GFPT2: variants seen among roughly 807,000 people sequenced by gnomAD.
The protein encoded by GFPT2 is glutamine--fructose-6-phosphate transaminase 2.
GFPT2 carries 62 observed loss-of-function variants against 85.6 expected under a neutral mutation model. The ratio of observed to expected loss-of-function variants is 0.72; its 90% confidence interval spans 0.59 to 0.90. The LOEUF is 0.90. Ranked by LOEUF, GFPT2 falls within the 40% of genes least tolerant of loss-of-function variation. The pLI is 0.00. For missense variants in GFPT2, 788 were observed against 893.4 expected (o/e 0.88, Z 1.50); for synonymous variants, 368 against 344.5 (o/e 1.07, Z -0.75).
chr5:180,346,458 T>C (rs1764610200), intron 1 of GFPT2, among the ~76,000 whole-genome samples: 1 of 152,174 alleles, frequency 6.6e-6, no homozygotes, highest in Non-Finnish European at 1.5e-5. Flanking sequence ...TTTCTCCTCC[T>C]GTTCAGCCCC....
intron 1 of GFPT2, among the ~76,000 whole-genome samples, chr5:180,343,305 G>A (rs1481046207): frequency 6.6e-6 from 1 of 152,146 alleles, no homozygotes; most frequent in Non-Finnish European, 1.5e-5. Context: ...GGCACGCTCC[G>A]CAAGGCACCG....
chr5:180,309,442 C>T (rs376906994), intron 15 of GFPT2, among the ~76,000 whole-genome samples: 57 of 146,316 alleles, frequency 3.9e-4, no homozygotes, highest in South Asian at 1.1e-3. Context: ...TTTTTCCAGA[C>T]GGAGTTTTGC....
At chr5:180,339,194 A>T (rs1764461002) in intron 1 of GFPT2, among the ~76,000 whole-genome samples, 1 of 152,138 alleles carries the variant, frequency 6.6e-6, no homozygotes. Context: ...AGCCTGGCCA[A>T]CATGGTGAAA....
At chr5:180,329,125 C>G (rs1764262170) in intron 6 of GFPT2, among the ~76,000 whole-genome samples, 1 of 152,202 alleles carries the variant, frequency 6.6e-6, no homozygotes, top group South Asian at 2.1e-4. Flanking sequence ...CCTAGCAGAG[C>G]TCAGTTATAT....
chr5:180,325,887 T>C (rs1037461561), intron 7 of GFPT2, among the ~76,000 whole-genome samples: 1 of 152,028 alleles, frequency 6.6e-6, no homozygotes, highest in African/African-American at 2.4e-5. Flanking sequence ...TAGCTGGGCA[T>C]GGTGGGGGGT....
chr5:180,303,376 C>T (rs1337215669), intron 17 of GFPT2, among the ~76,000 whole-genome samples: 3 of 152,234 alleles, frequency 2.0e-5, no homozygotes, highest in African/African-American at 4.8e-5. Context: ...GGACAACCCT[C>T]GGCGGAGCAT....
Position 180,324,246 on chromosome 5 carries a change from C to T in GFPT2, c.736G>A (p.Ala246Thr), listed in dbSNP as rs201867122. 2.1e-4 allele frequency: 346 copies of T among 1,613,136 alleles called. No individual in the cohort carries two copies. Among genetic ancestry groups the T allele is most frequent in the Non-Finnish European group, 2.6e-4 (311 of 1,179,318 alleles). ...KTRMKRLDSS[A>T]CLHAVGDKAV... ...TTGTCGCCCACAGCATGCAGGCAGG[C>T]GGAGCTGTCCAGCCTCTTCATCCGT... is the stretch of plus-strand genomic sequence containing the variant. The change falls in exon 9 of 19, where the codon GCC becomes ACC. Residue 246 changes from alanine (A) to threonine (T), a missense_variant. Physicochemically the swap from Ala to Thr is moderately conservative, Grantham distance 58. Coordinates refer to ENST00000253778, the MANE Select transcript of GFPT2 (RefSeq NM_005110.4).
In GFPT2 at chr5:180,330,886, G is replaced by T. The variant is rs547592392; in HGVS notation, c.400-52C>A. The stretch of plus-strand genomic sequence containing the variant: ...AGAGATTGGTCATTGCACAATGCCT[G>T]CCTGGCCAACTCCCTCTCCTCCCTG... On this transcript the variant is annotated intron_variant, in intron 5 of 18. Coordinates refer to ENST00000253778, the MANE Select transcript of GFPT2 (RefSeq NM_005110.4). The surrounding 1 kb of genome is among the most constrained non-coding windows in gnomAD (Gnocchi z 4.4). 3.2e-5 allele frequency: 50 copies of T among 1,563,038 alleles called. No homozygotes were observed. In the African/African-American group the frequency reaches 4.2e-4, roughly 13 times the overall value.
intron 7 of GFPT2, among the ~76,000 whole-genome samples, chr5:180,325,526 A>G (rs1764198215): frequency 6.6e-6 from 1 of 152,236 alleles, no homozygotes; most frequent in Non-Finnish European, 1.5e-5. Flanking sequence ...ACTTCATCAT[A>G]AAGAGGACAA....
intron 1 of GFPT2, among the ~76,000 whole-genome samples, 183 bp from the exon 2 acceptor site, chr5:180,338,783 A>C (rs942938177): frequency 6.6e-6 from 1 of 151,534 alleles, no homozygotes; most frequent in African/African-American, 2.4e-5. Context: ...TGTGACAAAA[A>C]CCCCCAGAAA....
At position 180,336,149 on chromosome 5, in the gene GFPT2, G is replaced by C. The variant is rs548067355; in HGVS notation, c.215-196C>G. 8.2e-5 allele frequency: 47 copies of C among 574,044 alleles called. No homozygotes were observed. In the Admixed American group the frequency reaches 1.5e-3, roughly 18 times the overall value. 35.6% of individuals were successfully genotyped at this position (574,044 alleles called of 1,614,324 possible). A position where few individuals can be genotyped will look rare whatever the true frequency, so the allele number is the denominator to read the frequency against. ...TTATTTACTACTTGTCTGTAGCTTA[G>C]CTCACTTCTTCACAGAAATAAACTT... is the stretch of plus-strand genomic sequence containing the variant. On this transcript the variant is annotated intron_variant, in intron 3 of 18. Transcript: ENST00000253778.
intron 13 of GFPT2, 104 bp downstream of exon 13, chr5:180,316,237 C>A: frequency 1.7e-6 from 2 of 1,174,808 alleles, no homozygotes; most frequent in Non-Finnish European, 2.5e-6. Context: ...AGAGGGTTCG[C>A]AGCACAGGGT....
At chr5:180,314,062 C>A in intron 13 of GFPT2, 98 bp from the exon 14 acceptor site, 9 of 1,222,668 alleles carry the variant, frequency 7.4e-6, no homozygotes, top group Non-Finnish European at 9.9e-6. Flanking sequence ...GGGAAATCGG[C>A]GCCCGAGACA....
chr5:180,351,434 C>T (rs1764708297), intron 1 of GFPT2, among the ~76,000 whole-genome samples: 1 of 151,482 alleles, frequency 6.6e-6, no homozygotes, highest in Admixed American at 6.6e-5. Flanking sequence ...ACCCTGCCCC[C>T]AGCCCCAAAT....
intron 1 of GFPT2, among the ~76,000 whole-genome samples, chr5:180,352,038 A>G (rs1764719718): frequency 6.6e-6 from 1 of 152,178 alleles, no homozygotes. Flanking sequence ...CTACACATGG[A>G]GAATGGCGTC....
chr5:180,335,908 C>T lies in GFPT2; in HGVS notation c.260G>A (p.Gly87Asp), dbSNP rs1283136533. The T allele has an allele frequency of 6.3e-7, 1 of 1,575,962 alleles. No individual in the cohort carries two copies. The change falls in exon 4 of 19, where the codon GGC becomes GAC. Residue 87 changes from glycine to aspartate, a missense_variant. Gly to Asp is a moderately conservative substitution (Grantham distance 94). Coordinates refer to ENST00000253778, the MANE Select transcript of GFPT2 (RefSeq NM_005110.4). ...DLKVEFETHFGIAHTRWATHG... is the reference protein window; with the variant it reads ...DLKVEFETHFDIAHTRWATHG... ...GGTGGCCCAGCGCGTGTGGGCAATGCCGAAGTGTGTCTCAAACTCCACTTT... is the reference window on the plus strand; with the variant it reads ...GGTGGCCCAGCGCGTGTGGGCAATGTCGAAGTGTGTCTCAAACTCCACTTT...
chr5:180,324,490 T>C, intron 8 of GFPT2, 185 bp from the exon 9 acceptor site: 1 of 588,112 alleles, frequency 1.7e-6, no homozygotes, highest in Admixed American at 3.2e-5. Context: ...AGCATTTAAA[T>C]GGCTACAGTG....
chr5:180,342,679 A>C (rs1202743149), intron 1 of GFPT2, among the ~76,000 whole-genome samples: 1 of 152,154 alleles, frequency 6.6e-6, no homozygotes, highest in East Asian at 1.9e-4. Flanking sequence ...AGCTGGACAG[A>C]TCATGAGGTC....
intron 18 of GFPT2, 84 bp downstream of exon 18, chr5:180,302,339 T>C: frequency 1.0e-6 from 1 of 982,938 alleles, no homozygotes; most frequent in Non-Finnish European, 1.5e-6. Context: ...TCTATGACTA[T>C]TTACTCCAAG....
Sources: allele counts gnomAD v4.1 joint callset (sites outside exome capture counted in the v4.1 genomes callset), GRCh38; gene constraint gnomAD v4.1.1; non-coding constraint Gnocchi (gnomAD v3.1); transcripts MANE v1.5; gene names NCBI Gene and HGNC (gene_info 2026-07-23, HGNC 2026-07-21).